Variants in PTPRN2 observed in about 807,000 individuals in gnomAD.
PTPRN2 encodes protein tyrosine phosphatase receptor type N2.
A neutral mutation model predicts 118.8 loss-of-function variants in PTPRN2; 74 were observed. The observed-to-expected ratio is 0.62, with a 90% CI of 0.52 to 0.76. The LOEUF is 0.76. Among genes scored for constraint, PTPRN2 ranks in the 30% least tolerant of loss-of-function variants. The pLI, the probability that PTPRN2 is intolerant of heterozygous loss-of-function variation, is 0.00. For synonymous variants in PTPRN2, 641 were observed against 608.0 expected (o/e 1.05, Z -0.80); for missense variants, 1,481 against 1,394.4 (o/e 1.06, Z -0.99).
chr7:157,659,283 A>T (rs1795761897), intron 13 of PTPRN2, among the ~76,000 whole-genome samples: 1 of 133,042 alleles, frequency 7.5e-6, no homozygotes, highest in Non-Finnish European at 1.6e-5. Flanking sequence ...GACCGCGGGG[A>T]CTGGGAGGAT....
chr7:157,820,020 GCACACA>G (rs1380082213), intron 12 of PTPRN2, among the ~76,000 whole-genome samples: 1 of 146,822 alleles, frequency 6.8e-6, no homozygotes, highest in Non-Finnish European at 1.5e-5. Flanking sequence ...ACACACACAT[GCACACA>G]CACACCCACA....
chr7:158,302,004 G>A (rs1800928801), intron 3 of PTPRN2, among the ~76,000 whole-genome samples: 1 of 152,168 alleles, frequency 6.6e-6, no homozygotes. Flanking sequence ...AATCTAGGAA[G>A]CTATTGATTG....
intron 12 of PTPRN2, among the ~76,000 whole-genome samples, chr7:157,775,759 G>T (rs975997759): frequency 6.6e-6 from 1 of 152,244 alleles, no homozygotes; most frequent in East Asian, 1.9e-4. Context: ...CCCCAGGCCC[G>T]GGTCATGGTG....
At position 158,520,140 on chromosome 7, in the gene PTPRN2, C is replaced by T. The variant is rs75783373; in HGVS notation, c.113-30355G>A. Among the ~76,000 whole-genome samples the T allele has an allele frequency of 8.2e-3, 1,252 of 152,290 alleles. 19 individuals are homozygous for T. The highest frequency in any genetic ancestry group is 0.029 in the African/African-American group (1,193 of 41,562). ...GCCAAGAAAGGAAAGCATTTTCTGGCCACAGAGTGGGCCCTTCAGCTCCCC... is the reference window on the plus strand; with the variant it reads ...GCCAAGAAAGGAAAGCATTTTCTGGTCACAGAGTGGGCCCTTCAGCTCCCC... On this transcript the variant is annotated intron_variant, in intron 1 of 22. Coordinates refer to ENST00000389418, the MANE Select transcript of PTPRN2 (RefSeq NM_002847.5).
chr7:158,139,270 T>G (rs1228774127), intron 6 of PTPRN2, among the ~76,000 whole-genome samples: 1 of 151,626 alleles, frequency 6.6e-6, no homozygotes, highest in African/African-American at 2.4e-5. Context: ...CTCAGCAGAG[T>G]GGGGAAATTA....
chr7:158,047,674 C>T (rs1808986965), intron 11 of PTPRN2, among the ~76,000 whole-genome samples: 1 of 152,204 alleles, frequency 6.6e-6, no homozygotes, highest in South Asian at 2.1e-4. Flanking sequence ...GCACATCTGG[C>T]GTTTCAGAGC....
intron 12 of PTPRN2, among the ~76,000 whole-genome samples, chr7:157,751,860 G>T (rs1801489051): frequency 7.0e-6 from 1 of 142,282 alleles, no homozygotes; most frequent in Non-Finnish European, 1.5e-5. Context: ...GGGAGGGAGG[G>T]ATGGAAAGGG....
intron 1 of PTPRN2, among the ~76,000 whole-genome samples, chr7:158,549,849 G>A (rs1826532104): frequency 6.6e-6 from 1 of 152,244 alleles, no homozygotes; most frequent in Non-Finnish European, 1.5e-5. Context: ...TTCCTCCCAA[G>A]AGCCCAATTA....
chr7:158,072,910 C>G (rs539121381), intron 11 of PTPRN2, among the ~76,000 whole-genome samples: 1 of 152,312 alleles, frequency 6.6e-6, no homozygotes, highest in Non-Finnish European at 1.5e-5. Flanking sequence ...ATTCATGTCT[C>G]AAGACCTGAG....
chr7:157,682,381 G>A (rs544356300), intron 13 of PTPRN2, among the ~76,000 whole-genome samples: 1 of 152,326 alleles, frequency 6.6e-6, no homozygotes, highest in Middle Eastern at 3.4e-3. Flanking sequence ...CACGCCAAAT[G>A]ATCTCGCAAC....
chr7:157,697,490 A>G (rs1261697540), intron 12 of PTPRN2, among the ~76,000 whole-genome samples: 1 of 126,028 alleles, frequency 7.9e-6, no homozygotes, highest in Non-Finnish European at 1.6e-5. Context: ...ACTCATGCAT[A>G]CTGGATCTTA....
chr7:158,096,242 G>T (rs1814618607), intron 10 of PTPRN2, among the ~76,000 whole-genome samples: 1 of 152,156 alleles, frequency 6.6e-6, no homozygotes, highest in African/African-American at 2.4e-5. Flanking sequence ...TTGAAGAATT[G>T]TAAGAGTCTC....
intron 3 of PTPRN2, among the ~76,000 whole-genome samples, chr7:158,242,962 A>G (rs760108584): frequency 6.6e-6 from 1 of 152,170 alleles, no homozygotes; most frequent in Non-Finnish European, 1.5e-5. Flanking sequence ...TTTCAACAAA[A>G]CAACTCCCAA....
chr7:158,314,141 C>T (rs1251610789), intron 3 of PTPRN2, among the ~76,000 whole-genome samples: 1 of 152,188 alleles, frequency 6.6e-6, no homozygotes, highest in African/African-American at 2.4e-5. Context: ...GTTGCCAGCA[C>T]ATGGTGATAG....
intron 6 of PTPRN2, among the ~76,000 whole-genome samples, chr7:158,165,388 G>A (rs1344817502): frequency 6.6e-6 from 1 of 152,260 alleles, no homozygotes; most frequent in Non-Finnish European, 1.5e-5. Flanking sequence ...TGCTCCAGCA[G>A]CACTCACTCA....
At chr7:158,371,286 T>C (rs916979140) in intron 2 of PTPRN2, among the ~76,000 whole-genome samples, 1 of 149,612 alleles carries the variant, frequency 6.7e-6, no homozygotes, top group South Asian at 2.1e-4. Context: ...ATTAGGTGAA[T>C]AGTTATCAGA....
chr7:157,887,199 A>G (rs528750595), intron 12 of PTPRN2, among the ~76,000 whole-genome samples: 2 of 152,210 alleles, frequency 1.3e-5, no homozygotes, highest in Admixed American at 6.5e-5. Context: ...CTGAATGCAG[A>G]GCTGCCTGGG....
chr7:158,297,761 T>C (rs6973576), intron 3 of PTPRN2, among the ~76,000 whole-genome samples: 146,294 of 152,290 alleles, frequency 0.96, 70,341 homozygotes, highest in African/African-American at 0.99. Flanking sequence ...CCTAACCACA[T>C]ACCCCAGTTA....
At chr7:157,599,491 A>T (rs1360933828) in intron 16 of PTPRN2, among the ~76,000 whole-genome samples, 3 of 152,194 alleles carry the variant, frequency 2.0e-5, no homozygotes, top group Non-Finnish European at 4.4e-5. Context: ...GAGGATAATT[A>T]CTAAACAAGT....
Sources: allele counts gnomAD v4.1 joint callset (sites outside exome capture counted in the v4.1 genomes callset), GRCh38; gene constraint gnomAD v4.1.1; transcripts MANE v1.5; gene names NCBI Gene and HGNC (gene_info 2026-07-23, HGNC 2026-07-21).